The following CCNB2 variants were observed in gnomAD, a reference collection of about 807,000 sequenced individuals.
CCNB2 encodes the protein cyclin B2.
CCNB2 carries 39 observed loss-of-function variants against 51.1 expected under a neutral mutation model. That is an observed-to-expected ratio of 0.76 (90% CI 0.59 to 1.00). CCNB2 has a LOEUF of 1.00. CCNB2 is among the 50% of genes least tolerant of loss of function. CCNB2 has a pLI of 0.00. For synonymous variants in CCNB2, 174 were observed against 165.5 expected, an observed-to-expected ratio of 1.05 and a Z score of -0.40; for missense variants, 472 against 470.3, an observed-to-expected ratio of 1.00 and a Z score of -0.03.
At chr15:59,110,617 C>T (rs2079253841) in intron 3 of CCNB2, among the ~76,000 whole-genome samples, 1 of 152,204 alleles carries the variant, frequency 6.6e-6, no homozygotes, top group African/African-American at 2.4e-5. Context: ...AAGGTGATAA[C>T]ATAAGCCATG....
intron 7 of CCNB2, chr15:59,121,545 T>G (rs1441711209): frequency 2.6e-5 from 4 of 152,218 alleles, no homozygotes; most frequent in Non-Finnish European, 4.4e-5. Flanking sequence ...ACCTGTAGTT[T>G]CAGCAGTTTT....
rs532186092 is a variant in CCNB2 at position 59,117,509 on chromosome 15, C to T, written c.975+141C>T. The T allele has an allele frequency of 3.7e-4, 315 of 856,876 alleles. 3 individuals are homozygous for T. The South Asian group carries it at 3.9e-3, about 11-fold the overall frequency. The allele number at this position is 856,876 out of a possible 1,614,324, so 53.1% of individuals were successfully genotyped here. The stretch of plus-strand genomic sequence containing the variant: ...TTTGAGACAGGGTCTCATTCTGTCA[C>T]GTAGGCTGGAGTGTGGTGGTGCCAT... On this transcript the variant is annotated intron_variant, in intron 7 of 8. Transcript: ENST00000288207.
At chr15:59,117,651 T>C (rs908087755) in intron 7 of CCNB2, among the ~76,000 whole-genome samples, 25 of 152,172 alleles carry the variant, frequency 1.6e-4, no homozygotes, top group African/African-American at 4.8e-4. Context: ...GTAAATTTTT[T>C]TGTAGAGACA....
chr15:59,116,612 G>T, intron 5 of CCNB2, 78 bp from the exon 6 acceptor site: 1 of 995,322 alleles, frequency 1.0e-6, no homozygotes, highest in East Asian at 2.6e-5. Context: ...CCAGGACTTG[G>T]TTTCCTTTCC....
chr15:59,115,216 G>A (rs1000682334), intron 5 of CCNB2, among the ~76,000 whole-genome samples: 1 of 152,106 alleles, frequency 6.6e-6, no homozygotes, highest in Non-Finnish European at 1.5e-5. Context: ...TTCTGGGCCT[G>A]CTTGCACAAT....
chr15:59,124,900 T>C lies in CCNB2; in HGVS notation c.*23T>C. On this transcript the variant is annotated 3_prime_UTR_variant, in exon 9 of 9. Transcript: ENST00000288207. ...TAGGCTGCCGTGGCCCCTGGGGATG[T>C]GTGCTTCATTGTGCCCTTTTTCTTA... is the stretch of plus-strand genomic sequence containing the variant. The C allele has an allele frequency of 2.2e-6, 3 of 1,335,480 alleles. No homozygotes were observed. The highest frequency in any genetic ancestry group is 2.1e-6 in the Non-Finnish European group (2 of 970,352). 82.7% of individuals were successfully genotyped at this position (1,335,480 alleles called of 1,614,324 possible).
chr15:59,114,885 G>A lies in CCNB2; in HGVS notation c.597+9G>A. 6.2e-7 allele frequency: 1 copy of A among 1,606,344 alleles called. No homozygotes were observed. The highest frequency in any genetic ancestry group is 1.1e-5 in the South Asian group (1 of 90,772). On this transcript the variant is annotated intron_variant, in intron 5 of 8. Transcript: ENST00000288207. ...TGGATCGATTTTTACAGGTAGGTGTGGCTTCAGGGACTTCACGCCAGTGGC... is the reference window on the plus strand; with the variant it reads ...TGGATCGATTTTTACAGGTAGGTGTAGCTTCAGGGACTTCACGCCAGTGGC...
intron 1 of CCNB2, among the ~76,000 whole-genome samples, chr15:59,106,781 G>A (rs1231101682): frequency 1.3e-5 from 2 of 152,154 alleles, no homozygotes; most frequent in African/African-American, 4.8e-5. Context: ...AGTTCTAAAA[G>A]ATCATGCATA....
chr15:59,116,755 G>A lies in CCNB2; in HGVS notation c.663G>A (p.Lys221=). Residue 221 remains lysine (K), a synonymous_variant, in exon 6 of 9, where the codon AAG becomes AAA. Coordinates refer to ENST00000288207, the MANE Select transcript of CCNB2 (RefSeq NM_004701.4). ...TTACTGCTCTGCTCTTGGCTTCCAA[G>A]TATGAGGAGATGTTTTCTCCAAATA... ...VGITALLLAS[K]YEEMFSPNIE... 1 of 1,613,562 alleles carries A rather than the reference G, an allele frequency of 6.2e-7. No individual in the cohort carries two copies. Among genetic ancestry groups the A allele is most frequent in the Middle Eastern group, 1.8e-4 (1 of 5,548 alleles).
rs976218965 is a variant in CCNB2 at position 59,124,907 on chromosome 15, C to T, written c.*30C>T. ...CCGTGGCCCCTGGGGATGTGTGCTT[C>T]ATTGTGCCCTTTTTCTTATTGGTTT... On this transcript the variant is annotated 3_prime_UTR_variant, in exon 9 of 9. Coordinates refer to ENST00000288207, the MANE Select transcript of CCNB2 (RefSeq NM_004701.4). The T allele has an allele frequency of 5.3e-6, 7 of 1,323,514 alleles. No homozygotes were observed. Among genetic ancestry groups the T allele is most frequent in the Middle Eastern group, 3.8e-4 (2 of 5,288 alleles). The allele number at this position is 1,323,514 out of a possible 1,614,324, so 82.0% of individuals were successfully genotyped here.
intron 7 of CCNB2, among the ~76,000 whole-genome samples, chr15:59,118,871 T>C (rs958461893): frequency 1.3e-5 from 2 of 152,326 alleles, no homozygotes; most frequent in Middle Eastern, 3.4e-3. Flanking sequence ...GTGGCCTATA[T>C]GGATATAGGC....
chr15:59,121,189 TTG>T (rs1177194764), intron 7 of CCNB2: 10 of 152,158 alleles, frequency 6.6e-5, no homozygotes, highest in African/African-American at 2.2e-4. Context: ...ATAGCAAAAA[TTG>T]TGTGTGAGTA....
intron 3 of CCNB2, among the ~76,000 whole-genome samples, chr15:59,111,294 A>C (rs1307583600): frequency 1.3e-5 from 2 of 152,204 alleles, no homozygotes; most frequent in African/African-American, 2.4e-5. Flanking sequence ...TTGGGCTTCC[A>C]AAGTGCCCGG....
chr15:59,106,874 C>T (rs1327509860), intron 1 of CCNB2, among the ~76,000 whole-genome samples: 4 of 152,208 alleles, frequency 2.6e-5, no homozygotes, highest in Admixed American at 6.5e-5. Context: ...ACAACCAGAC[C>T]TATTATTAAC....
At chr15:59,121,199 G>A (rs2079300487) in intron 7 of CCNB2, 1 of 152,208 alleles carries the variant, frequency 6.6e-6, no homozygotes, top group African/African-American at 2.4e-5. Context: ...TTGTGTGTGA[G>A]TATACACAGA....
rs116620169 is a variant in CCNB2 at position 59,118,080 on chromosome 15, T to C, written c.975+712T>C. Among the ~76,000 whole-genome samples, 679 of 152,326 alleles carry C rather than the reference T, an allele frequency of 4.5e-3. 12 individuals are homozygous for C. Among genetic ancestry groups the C allele is most frequent in the African/African-American group, 0.015 (639 of 41,566 alleles). ...ACTGACATGTATGATTTCTTAGATA[T>C]TACGTTAAGTGAAACAAGCAAGTTG... On this transcript the variant is annotated intron_variant, in intron 7 of 8. Transcript: ENST00000288207.
chr15:59,122,276 T>A lies in CCNB2; in HGVS notation c.976-1241T>A, dbSNP rs188208891. Among the ~76,000 whole-genome samples, 205 of 111,512 alleles carry A rather than the reference T, an allele frequency of 1.8e-3. 1 individual carries two copies. The highest frequency in any genetic ancestry group is 7.0e-3 in the African/African-American group (200 of 28,584). The allele number at this position is 111,512 out of a possible 152,430, so 73.2% of individuals were successfully genotyped here. ...TTTTTTTTTTTTTTTTGAGACAGAG[T>A]CTTTCTCTGTCACCCAGACTGGAGT... On this transcript the variant is annotated intron_variant, in intron 7 of 8. Coordinates refer to ENST00000288207, the MANE Select transcript of CCNB2 (RefSeq NM_004701.4).
chr15:59,117,550 C>T (rs1257039243), intron 7 of CCNB2, among the ~76,000 whole-genome samples, 182 bp downstream of exon 7: 2 of 152,166 alleles, frequency 1.3e-5, no homozygotes, highest in Non-Finnish European at 2.9e-5. Flanking sequence ...CCCACTGCAG[C>T]CTTGACTTCC....
intron 3 of CCNB2, among the ~76,000 whole-genome samples, chr15:59,112,770 C>G (rs1217255834): frequency 6.6e-6 from 1 of 151,682 alleles, no homozygotes; most frequent in African/African-American, 2.4e-5. Flanking sequence ...TGCAGTGGCT[C>G]AAGCCTGTAA....
Sources: gnomAD v4.1 joint callset for allele counts (sites outside exome capture counted in the v4.1 genomes callset) on GRCh38, gnomAD v4.1.1 for gene constraint, MANE v1.5 for transcripts, NCBI Gene and HGNC (gene_info 2026-07-23, HGNC 2026-07-21) for gene names.